The following CYTH1 variants were observed in gnomAD, a reference collection of about 807,000 sequenced individuals.
CYTH1 encodes the protein cytohesin 1, also known as cytohesin-1.
CYTH1 carries 18 observed loss-of-function variants against 61.8 expected under a neutral mutation model. That is an observed-to-expected ratio of 0.29 (90% CI 0.20 to 0.43). CYTH1 has a LOEUF of 0.43. Among genes scored for constraint, CYTH1 ranks in the 20% least tolerant of loss-of-function variants. The pLI is 1.00. For synonymous variants in CYTH1, 174 were observed against 184.3 expected (o/e 0.94, Z 0.45); for missense variants, 336 against 510.5 (o/e 0.66, Z 3.29).
At chr17:78,751,060 T>G (rs976252231) in intron 1 of CYTH1, among the ~76,000 whole-genome samples, 3 of 151,938 alleles carry the variant, frequency 2.0e-5, no homozygotes, top group African/African-American at 7.2e-5. Flanking sequence ...CCTGGCTCAC[T>G]GCAACCTCTA....
At position 78,782,244 on chromosome 17, in the gene CYTH1, C is replaced by T; in HGVS notation, c.-21G>A. On this transcript the variant is annotated 5_prime_UTR_variant, in exon 1 of 14. Transcript: ENST00000446868. ...TCCATGGTGCGGGAGCCGGGCTCCGCGCTCCGGCTCGCCGCTCGCGTCCCG... is the reference window on the plus strand; with the variant it reads ...TCCATGGTGCGGGAGCCGGGCTCCGTGCTCCGGCTCGCCGCTCGCGTCCCG... The T allele has an allele frequency of 7.7e-7, 1 of 1,292,478 alleles. No homozygotes were observed. 80.1% of individuals were successfully genotyped at this position (1,292,478 alleles called of 1,614,324 possible).
intron 1 of CYTH1, among the ~76,000 whole-genome samples, chr17:78,750,668 A>T (rs1386082163): frequency 1.3e-5 from 2 of 151,750 alleles, no homozygotes; most frequent in African/African-American, 4.8e-5. Flanking sequence ...TAGATGGGTG[A>T]GGTGGTGGGC....
chr17:78,681,873 T>G (rs547102924), intron 11 of CYTH1, among the ~76,000 whole-genome samples: 4 of 151,158 alleles, frequency 2.6e-5, no homozygotes, highest in Admixed American at 2.6e-4. Context: ...GTTCTATGAG[T>G]TCTCTAAAAG....
At chr17:78,743,053 T>A (rs547497841) in intron 1 of CYTH1, among the ~76,000 whole-genome samples, 1 of 152,280 alleles carries the variant, frequency 6.6e-6, no homozygotes, top group East Asian at 1.9e-4. Flanking sequence ...TGTGAGTTAC[T>A]TAAAAGTATT....
intron 1 of CYTH1, among the ~76,000 whole-genome samples, chr17:78,732,466 A>AC (rs2093299905): frequency 6.6e-6 from 1 of 152,176 alleles, no homozygotes; most frequent in Non-Finnish European, 1.5e-5. Flanking sequence ...TCTGTGTAAT[A>AC]CCGTGAGCAT....
chr17:78,701,598 C>T (rs1304248069), intron 6 of CYTH1, 73 bp downstream of exon 6: 7 of 1,311,176 alleles, frequency 5.3e-6, no homozygotes, highest in African/African-American at 3.0e-5. Context: ...AATAAAATGC[C>T]CCCCAGGACA....
rs147755371 is a variant in CYTH1 at position 78,709,672 on chromosome 17, T to C, written c.83A>G (p.Gln28Arg). The C allele has an allele frequency of 2.8e-4, 457 of 1,614,152 alleles. No individual in the cohort carries two copies. The highest frequency in any genetic ancestry group is 3.8e-4 in the Non-Finnish European group (445 of 1,180,052). ...QELENIRRRK[Q>R]ELLADIQRLK... ...TACCTGAATGTCAGCCAGCAGCTCC[T>C]GTTTTCTCCGTCGGATGTTCTCCAG... The change falls in exon 2 of 14, where the codon CAG (glutamine) becomes CGG (arginine). Residue 28 changes from glutamine to arginine, a missense_variant. Coordinates refer to ENST00000446868, the MANE Select transcript of CYTH1 (RefSeq NM_004762.6).
rs1243558811 is a variant in CYTH1 at position 78,675,855 on chromosome 17, TGA to T, written c.*234_*235del. 6.9e-7 allele frequency: 1 copy of T among 1,456,374 alleles called. No homozygotes were observed. Among genetic ancestry groups the T allele is most frequent in the Non-Finnish European group, 9.1e-7 (1 of 1,103,034 alleles). 90.2% of individuals were successfully genotyped at this position (1,456,374 alleles called of 1,614,324 possible). A position where few individuals can be genotyped will look rare whatever the true frequency, so the allele number is the denominator to read the frequency against. ...CCCTGCCGACAAGAGCTCTGCCCTGTGAGAGAGGAAGGCTCTGGAGCCCATGC... is the reference window on the plus strand; with the variant it reads ...CCCTGCCGACAAGAGCTCTGCCCTGTGAGAGGAAGGCTCTGGAGCCCATGC... On this transcript the variant is annotated 3_prime_UTR_variant, in exon 14 of 14. Coordinates refer to ENST00000446868, the MANE Select transcript of CYTH1 (RefSeq NM_004762.6).
At chr17:78,740,552 CCTGGCTCAACACCACA>C (rs765047947) in intron 1 of CYTH1, among the ~76,000 whole-genome samples, 147 of 152,340 alleles carry the variant, frequency 9.6e-4, no homozygotes, top group Non-Finnish European at 1.9e-3. Flanking sequence ...GCAAGGCATA[CCTGGCTCAACACCACA>C]CTGTCATCTC....
intron 1 of CYTH1, chr17:78,736,693 G>A (rs1028365170): frequency 6.5e-5 from 27 of 412,432 alleles, no homozygotes; most frequent in Non-Finnish European, 9.3e-5. Context: ...TTGACTCACC[G>A]TCCTCCTCTT....
chr17:78,688,757 C>T (rs2092844341), intron 11 of CYTH1, among the ~76,000 whole-genome samples: 2 of 152,198 alleles, frequency 1.3e-5, no homozygotes, highest in Non-Finnish European at 2.9e-5. Flanking sequence ...TGCTTGGTCT[C>T]CATGCGGTGA....
chr17:78,697,866 T>C (rs1424779171), intron 9 of CYTH1, among the ~76,000 whole-genome samples: 2 of 152,174 alleles, frequency 1.3e-5, no homozygotes, highest in Non-Finnish European at 1.5e-5. Context: ...CTCAGGGAAC[T>C]GCCTTGAAAC....
At chr17:78,735,768 TA>T (rs2093317511) in intron 1 of CYTH1, among the ~76,000 whole-genome samples, 1 of 152,182 alleles carries the variant, frequency 6.6e-6, no homozygotes, top group South Asian at 2.1e-4. Flanking sequence ...ATTCCAAACT[TA>T]AAAATATCAC....
intron 13 of CYTH1, 185 bp from the exon 14 acceptor site, chr17:78,676,354 C>T (rs2092698706): frequency 1.2e-5 from 7 of 598,884 alleles, no homozygotes; most frequent in African/African-American, 1.9e-5. Flanking sequence ...AGGTGACACA[C>T]TTCGAAAGAG....
intron 1 of CYTH1, among the ~76,000 whole-genome samples, chr17:78,722,866 G>C (rs997150943): frequency 6.6e-6 from 1 of 152,084 alleles, no homozygotes; most frequent in African/African-American, 2.4e-5. Flanking sequence ...GAAACTCCAC[G>C]GGTGGCAGGC....
intron 1 of CYTH1, among the ~76,000 whole-genome samples, chr17:78,779,462 G>A (rs149632049): frequency 6.6e-6 from 1 of 151,176 alleles, no homozygotes; most frequent in Non-Finnish European, 1.5e-5. Context: ...TCTCATCTTC[G>A]TGTGTGGCAG....
intron 2 of CYTH1, chr17:78,709,270 C>A: frequency 5.7e-6 from 1 of 174,290 alleles, no homozygotes; most frequent in Non-Finnish European, 1.2e-5. Flanking sequence ...AGCCAGTAAG[C>A]GGCAGAGCCA....
At chr17:78,764,429 A>C (rs991665963) in intron 1 of CYTH1, among the ~76,000 whole-genome samples, 7 of 151,850 alleles carry the variant, frequency 4.6e-5, no homozygotes, top group African/African-American at 1.5e-4. Context: ...CCAGAGTGCT[A>C]GGGTTACAGA....
In CYTH1 at chr17:78,709,688, T is replaced by C; in HGVS notation, c.67A>G (p.Ile23Val). 1 of 1,614,246 alleles carries C rather than the reference T, an allele frequency of 6.2e-7. No homozygotes were observed. The highest frequency in any genetic ancestry group is 1.1e-5 in the South Asian group (1 of 91,086). Residue 23 changes from isoleucine (I) to valine (V), a missense_variant, in exon 2 of 14, where the codon ATC (isoleucine) becomes GTC (valine). By Grantham distance (29) the Ile-to-Val change is conservative. Transcript: ENST00000446868. ...AGCAGCTCCTGTTTTCTCCGTCGGA[T>C]GTTCTCCAGTTCTTGACGCTCCTCT... ...TAEERQELENIRRRKQELLAD... is the reference protein window; with the variant it reads ...TAEERQELENVRRRKQELLAD...
Sources: allele counts gnomAD v4.1 joint callset (sites outside exome capture counted in the v4.1 genomes callset), GRCh38; gene constraint gnomAD v4.1.1; transcripts MANE v1.5; gene names NCBI Gene and HGNC (gene_info 2026-07-23, HGNC 2026-07-21).